STXBP6: variants seen among roughly 807,000 people sequenced by gnomAD.
The protein encoded by STXBP6 is syntaxin binding protein 6.
Under a neutral mutation model 26.9 loss-of-function variants are expected in STXBP6, and 21 were observed. The ratio of observed to expected loss-of-function variants is 0.78; its 90% CI spans 0.55 to 1.12. STXBP6 has a LOEUF of 1.12. STXBP6 is among the 50% of genes most tolerant of loss of function. The pLI, the probability that STXBP6 is intolerant of heterozygous loss-of-function variation, is 0.00. For missense variants in STXBP6, 232 were observed against 257.9 expected, an observed-to-expected ratio of 0.90 and a Z score of 0.69; for synonymous variants, 97 against 92.6, an observed-to-expected ratio of 1.05 and a Z score of -0.27.
At chr14:24,989,563 C>A (rs1285155819) in intron 1 of STXBP6, among the ~76,000 whole-genome samples, 2 of 152,170 alleles carry the variant, frequency 1.3e-5, no homozygotes, top group African/African-American at 4.8e-5. Flanking sequence ...TAAAGTGCCA[C>A]AAAGCAGGCT....
intron 5 of STXBP6, among the ~76,000 whole-genome samples, chr14:24,818,525 C>T (rs1481815396): frequency 6.6e-6 from 1 of 152,170 alleles, no homozygotes; most frequent in Non-Finnish European, 1.5e-5. Flanking sequence ...GACCCCTCTC[C>T]GAGGGAAAAC....
intron 2 of STXBP6, among the ~76,000 whole-genome samples, chr14:24,945,684 C>T (rs1332324721): frequency 1.3e-5 from 2 of 152,084 alleles, no homozygotes; most frequent in South Asian, 2.1e-4. Flanking sequence ...GAAGGAATTT[C>T]CTGTGTTGCA....
At chr14:24,972,890 G>A (rs2073940749) in intron 2 of STXBP6, among the ~76,000 whole-genome samples, 1 of 152,128 alleles carries the variant, frequency 6.6e-6, no homozygotes, top group African/African-American at 2.4e-5. Context: ...ACCTAAGTAG[G>A]AGGATTGCTT....
chr14:24,949,536 A>G (rs2073096640), intron 2 of STXBP6, among the ~76,000 whole-genome samples: 1 of 152,204 alleles, frequency 6.6e-6, no homozygotes, highest in Admixed American at 6.6e-5. Flanking sequence ...CCTCACAGTG[A>G]GAGAGAGACG....
chr14:25,015,882 A>C (rs1407033807), intron 1 of STXBP6, among the ~76,000 whole-genome samples: 1 of 152,112 alleles, frequency 6.6e-6, no homozygotes, highest in Non-Finnish European at 1.5e-5. Context: ...TGAGGAAAAA[A>C]GTCAAACAAC....
At chr14:24,837,432 A>G in intron 4 of STXBP6, among the ~76,000 whole-genome samples, 1 of 152,246 alleles carries the variant, frequency 6.6e-6, no homozygotes, top group East Asian at 1.9e-4. Context: ...CTCAAATTGC[A>G]TAATCACAAG....
intron 1 of STXBP6, among the ~76,000 whole-genome samples, chr14:25,035,466 G>A (rs1236236527): frequency 6.6e-6 from 1 of 152,140 alleles, no homozygotes; most frequent in East Asian, 1.9e-4. Context: ...AAGTTCAAAC[G>A]TCCACCAGCC....
Position 24,941,130 on chromosome 14 carries a change from CAT to C in STXBP6, c.154+33533_154+33534del, listed in dbSNP as rs1220547149. Among the ~76,000 whole-genome samples, 22 of 152,276 alleles carry C rather than the reference CAT, an allele frequency of 1.4e-4. 1 individual carries two copies. Among genetic ancestry groups the C allele is most frequent in the Middle Eastern group, 3.4e-3 (1 of 294 alleles). On this transcript the variant is annotated intron_variant, in intron 2 of 5. Transcript: ENST00000323944. Reference sequence around the variant, plus strand: ...AAAATTCATCTATAAAATTTGACAACATAGCCAGTTTCTTTTGGTTCCATCCA... The same window carrying C: ...AAAATTCATCTATAAAATTTGACAACAGCCAGTTTCTTTTGGTTCCATCCA...
At chr14:24,959,409 A>G (rs1566511072) in intron 2 of STXBP6, among the ~76,000 whole-genome samples, 1 of 152,174 alleles carries the variant, frequency 6.6e-6, no homozygotes, top group Non-Finnish European at 1.5e-5. Context: ...AGCGATGGGG[A>G]GAACACAGAG....
At chr14:24,894,537 A>G (rs2070913482) in intron 2 of STXBP6, among the ~76,000 whole-genome samples, 2 of 152,176 alleles carry the variant, frequency 1.3e-5, no homozygotes, top group African/African-American at 4.8e-5. Flanking sequence ...AGGAAACTTA[A>G]TGCTGATGAG....
intron 1 of STXBP6, among the ~76,000 whole-genome samples, chr14:25,027,983 G>A (rs1211625604): frequency 1.3e-5 from 2 of 152,226 alleles, no homozygotes; most frequent in Non-Finnish European, 2.9e-5. Flanking sequence ...TGAAAGAGGT[G>A]ATGAAGCTGC....
At chr14:24,929,410 T>C (rs2072299116) in intron 2 of STXBP6, among the ~76,000 whole-genome samples, 1 of 152,236 alleles carries the variant, frequency 6.6e-6, no homozygotes, top group Non-Finnish European at 1.5e-5. Context: ...TGTCTCCATA[T>C]ACTTATGGCA....
chr14:25,038,049 T>C (rs1349828441), intron 1 of STXBP6, among the ~76,000 whole-genome samples: 2 of 151,836 alleles, frequency 1.3e-5, no homozygotes, highest in Non-Finnish European at 2.9e-5. Flanking sequence ...GGAACTTTCA[T>C]TGTGTTTTTA....
At chr14:24,937,922 T>G (rs1191103819) in intron 2 of STXBP6, among the ~76,000 whole-genome samples, 1 of 152,192 alleles carries the variant, frequency 6.6e-6, no homozygotes, top group Non-Finnish European at 1.5e-5. Context: ...GGGTGGAAGG[T>G]GTTTCAAAAC....
At chr14:24,974,532 G>T in intron 2 of STXBP6, 133 bp downstream of exon 2, 1 of 726,598 alleles carries the variant, frequency 1.4e-6, no homozygotes. Flanking sequence ...AGGAAGACCA[G>T]AAAAACGGGG....
chr14:24,903,616 C>T (rs192618926), intron 2 of STXBP6, among the ~76,000 whole-genome samples: 10 of 152,102 alleles, frequency 6.6e-5, no homozygotes, highest in African/African-American at 1.9e-4. Context: ...TAGAGACAGC[C>T]AGAATATCCA....
At chr14:24,883,686 C>A (rs1263222) in intron 2 of STXBP6, among the ~76,000 whole-genome samples, 124,455 of 151,948 alleles carry the variant, frequency 0.82, 51,006 homozygotes, top group Admixed American at 0.88. Flanking sequence ...AAAAAAATGA[C>A]CCACTGGAAT....
chr14:24,859,713 C>A (rs1173970518), intron 2 of STXBP6, among the ~76,000 whole-genome samples: 1 of 152,128 alleles, frequency 6.6e-6, no homozygotes, highest in Non-Finnish European at 1.5e-5. Context: ...GAGCTGCATG[C>A]TAGAGACTCC....
chr14:24,974,590 C>A (rs2073993092), intron 2 of STXBP6, 75 bp downstream of exon 2: 2 of 1,350,202 alleles, frequency 1.5e-6, no homozygotes, highest in African/African-American at 1.5e-5. Context: ...TGAATGTAAA[C>A]CTCCTGGATA....
Sources: gnomAD v4.1 joint callset for allele counts (sites outside exome capture counted in the v4.1 genomes callset) on GRCh38, gnomAD v4.1.1 for gene constraint, MANE v1.5 for transcripts, NCBI Gene and HGNC (gene_info 2026-07-23, HGNC 2026-07-21) for gene names.